Variants in RALGAPA2 observed in about 807,000 individuals in gnomAD.
RALGAPA2 encodes the protein ral GTPase-activating protein subunit alpha-2.
In RALGAPA2, 139 loss-of-function variants were observed where a neutral mutation model predicts 230.4. That is an observed-to-expected ratio of 0.60 (90% CI 0.53 to 0.69). The LOEUF (loss-of-function observed/expected upper bound fraction) is 0.69, where lower values mean the gene tolerates loss of function less well. Among genes scored for constraint, RALGAPA2 ranks in the 30% least tolerant of loss-of-function variants. The pLI is 0.00. For missense variants in RALGAPA2, 2,163 were observed against 2,276.0 expected (o/e 0.95, Z 1.01); for synonymous variants, 847 against 837.8 (o/e 1.01, Z -0.19).
intron 37 of RALGAPA2, among the ~76,000 whole-genome samples, chr20:20,436,633 A>G (rs1047567896): frequency 6.6e-5 from 10 of 152,166 alleles, no homozygotes; most frequent in African/African-American, 2.2e-4. Context: ...GGGGAGACAA[A>G]CACTGGATGG....
rs543093760 is a variant in RALGAPA2 at position 20,676,175 on chromosome 20, A to G, written c.270+61T>C. 9.4e-6 allele frequency: 11 copies of G among 1,173,740 alleles called. No individual in the cohort carries two copies. The African/African-American group carries it at 1.4e-4, about 15-fold the overall frequency. The allele number at this position is 1,173,740 out of a possible 1,614,324, so 72.7% of individuals were successfully genotyped here. ...TATTTGTCTTCAAATAAAATTAAAG[A>G]TCAAAAATACTTTATTTCCAACAAG... On this transcript the variant is annotated intron_variant, in intron 3 of 39. Transcript: ENST00000202677.
In RALGAPA2 at chr20:20,454,348, C is replaced by T. The variant is rs79996609; in HGVS notation, c.5495+18481G>A. 4.1e-3 allele frequency among the ~76,000 whole-genome samples: 624 copies of T among 152,284 alleles called. 3 individuals carry two copies. Among genetic ancestry groups the T allele is most frequent in the African/African-American group, 0.014 (594 of 41,532 alleles). ...AATTTGGAAACCAGTCCTCTCTGAC[C>T]GGCAGGCAGCTGCTGAGGCTCTCGC... On this transcript the variant is annotated intron_variant, in intron 37 of 39. Transcript: ENST00000202677.
At chr20:20,629,315 CTTGT>C (rs1449555739) in intron 10 of RALGAPA2, 44 bp downstream of exon 10, 34 of 1,301,928 alleles carry the variant, frequency 2.6e-5, no homozygotes, top group Non-Finnish European at 3.4e-5. Flanking sequence ...ATTTCAAGAA[CTTGT>C]AACACACACA....
chr20:20,417,114 C>G (rs1445440021), intron 37 of RALGAPA2, among the ~76,000 whole-genome samples: 1 of 152,334 alleles, frequency 6.6e-6, no homozygotes, highest in East Asian at 1.9e-4. Context: ...GCCATCCACG[C>G]ATCCCTCTCA....
chr20:20,425,945 T>C (rs1009091531), intron 37 of RALGAPA2, among the ~76,000 whole-genome samples: 6 of 152,186 alleles, frequency 3.9e-5, no homozygotes, highest in Non-Finnish European at 8.8e-5. Context: ...AGGAAGAAGC[T>C]ACACTAAGTG....
chr20:20,581,992 C>T (rs1306504655), intron 20 of RALGAPA2, among the ~76,000 whole-genome samples: 1 of 152,144 alleles, frequency 6.6e-6, no homozygotes, highest in Non-Finnish European at 1.5e-5. Context: ...AAAGTCTTGG[C>T]TCTGGTCAGC....
intron 35 of RALGAPA2, among the ~76,000 whole-genome samples, chr20:20,501,343 A>G (rs6035638): frequency 0.085 from 12,975 of 152,302 alleles, 814 homozygotes; most frequent in African/African-American, 0.16. Flanking sequence ...TAGATCTTCC[A>G]GATAAGCTGC....
chr20:20,567,353 T>G (rs546523159), intron 23 of RALGAPA2, among the ~76,000 whole-genome samples: 1 of 152,314 alleles, frequency 6.6e-6, no homozygotes, highest in South Asian at 2.1e-4. Flanking sequence ...GCTGCTTAAG[T>G]GTTAGGAAAA....
chr20:20,691,996 A>G (rs750375589), intron 1 of RALGAPA2, among the ~76,000 whole-genome samples: 1 of 151,768 alleles, frequency 6.6e-6, no homozygotes, highest in Non-Finnish European at 1.5e-5. Context: ...GGCTGGCACC[A>G]CCTCCTCTCT....
intron 23 of RALGAPA2, among the ~76,000 whole-genome samples, chr20:20,562,456 A>C (rs1025500344): frequency 1.3e-5 from 2 of 152,226 alleles, no homozygotes; most frequent in Admixed American, 6.5e-5. Context: ...ATATACTGAG[A>C]GTTGCTATAC....
At position 20,591,158 on chromosome 20, in the gene RALGAPA2, C is replaced by T. The variant is rs747896316; in HGVS notation, c.2341+19G>A. 4 of 1,611,894 alleles carry T rather than the reference C, an allele frequency of 2.5e-6. No homozygotes were observed. The highest frequency in any genetic ancestry group is 2.5e-6 in the Non-Finnish European group (3 of 1,179,022). On this transcript the variant is annotated intron_variant, in intron 17 of 39. Coordinates refer to ENST00000202677, the MANE Select transcript of RALGAPA2 (RefSeq NM_020343.4). ...CCAGAATCTATAGTTCTGTATTAAA[C>T]ACTGAAGACATCATGTACCCTGAGA...
At chr20:20,569,334 G>C (rs1185624399) in intron 23 of RALGAPA2, among the ~76,000 whole-genome samples, 1 of 152,088 alleles carries the variant, frequency 6.6e-6, no homozygotes, top group Non-Finnish European at 1.5e-5. Context: ...AATTGTTAAG[G>C]TTAAAGAAAA....
intron 1 of RALGAPA2, among the ~76,000 whole-genome samples, chr20:20,698,928 T>C (rs2069231646): frequency 6.6e-6 from 1 of 152,210 alleles, no homozygotes. Context: ...TTACACAGTA[T>C]ACTATCATCA....
At chr20:20,625,788 A>G (rs1488797017) in intron 10 of RALGAPA2, among the ~76,000 whole-genome samples, 3 of 152,130 alleles carry the variant, frequency 2.0e-5, no homozygotes, top group Non-Finnish European at 1.5e-5. Flanking sequence ...ACGAGTTTAC[A>G]GTGAAGTGAC....
intron 10 of RALGAPA2, among the ~76,000 whole-genome samples, chr20:20,621,338 C>T (rs528065060): frequency 2.6e-5 from 4 of 152,114 alleles, no homozygotes; most frequent in Non-Finnish European, 5.9e-5. Flanking sequence ...AAGTGGCAAC[C>T]AGTCGTGCCC....
At chr20:20,443,755 A>G (rs1291882095) in intron 37 of RALGAPA2, among the ~76,000 whole-genome samples, 1 of 152,266 alleles carries the variant, frequency 6.6e-6, no homozygotes, top group Non-Finnish European at 1.5e-5. Flanking sequence ...TGATGAACAC[A>G]GTGGTGCCCA....
chr20:20,412,161 G>A lies in RALGAPA2; in HGVS notation c.5496-13C>T. 1 of 1,613,446 alleles carries A rather than the reference G, an allele frequency of 6.2e-7. No individual in the cohort carries two copies. Among genetic ancestry groups the A allele is most frequent in the Non-Finnish European group, 8.5e-7 (1 of 1,179,470 alleles). On this transcript the variant is annotated splice_polypyrimidine_tract_variant and intron_variant, in intron 37 of 39. Transcript: ENST00000202677. ...TCGCTCTTCATAGCTGCGGTAATCG[G>A]TTAAGGAAACAAGTGCACGTGCAAA... is the stretch of plus-strand genomic sequence containing the variant.
intron 4 of RALGAPA2, among the ~76,000 whole-genome samples, chr20:20,648,647 A>T (rs936131947): frequency 1.3e-5 from 2 of 152,050 alleles, no homozygotes; most frequent in African/African-American, 2.4e-5. Context: ...GAAGCCATTG[A>T]GGCACAGAGG....
chr20:20,602,813 C>CGTGT (rs35087554), intron 15 of RALGAPA2, among the ~76,000 whole-genome samples: 3,786 of 147,764 alleles, frequency 0.026, 62 homozygotes, highest in African/African-American at 0.047. Flanking sequence ...GAATGGCAGG[C>CGTGT]GTGTGTGTGT....
Sources: allele counts gnomAD v4.1 joint callset (sites outside exome capture counted in the v4.1 genomes callset), GRCh38; gene constraint gnomAD v4.1.1; transcripts MANE v1.5; gene names NCBI Gene and HGNC (gene_info 2026-07-23, HGNC 2026-07-21).